The following MMD2 variants were observed in gnomAD, a reference collection of about 807,000 sequenced individuals.
The protein encoded by MMD2 is monocyte to macrophage differentiation factor 2.
In MMD2, 30 loss-of-function variants were observed where a neutral mutation model predicts 33.5. The observed-to-expected ratio is 0.90, with a 90% CI of 0.67 to 1.22. The LOEUF (loss-of-function observed/expected upper bound fraction) is 1.22, where lower values mean the gene tolerates loss of function less well. MMD2 is among the 50% of genes most tolerant of loss of function. The probability of loss-of-function intolerance (pLI) is 0.00; values close to 1 mark genes in which losing one functional copy is unlikely to be tolerated. For synonymous variants in MMD2, 129 were observed against 123.0 expected, an observed-to-expected ratio of 1.05 and a Z score of -0.32; for missense variants, 364 against 325.4, an observed-to-expected ratio of 1.12 and a Z score of -0.91.
chr7:4,907,665 C>T (rs1311670549), intron 6 of MMD2, 66 bp from the exon 7 acceptor site: 2 of 1,538,880 alleles, frequency 1.3e-6, no homozygotes, highest in African/African-American at 2.7e-5. Flanking sequence ...AAGCACCAGC[C>T]AGTCCCCACC....
intron 1 of MMD2, among the ~76,000 whole-genome samples, chr7:4,944,030 C>T (rs938420939): frequency 1.3e-5 from 2 of 151,854 alleles, no homozygotes; most frequent in African/African-American, 4.8e-5. Flanking sequence ...AACTCTTTAG[C>T]TCAAGCAATC....
downstream of MMD2, among the ~76,000 whole-genome samples, chr7:4,902,229 GGC>G (rs1784804485): frequency 6.6e-6 from 1 of 152,216 alleles, no homozygotes; most frequent in Non-Finnish European, 1.5e-5. Context: ...TGGGATTACA[GGC>G]GAGAGCCACC....
At position 4,940,675 on chromosome 7, in the gene MMD2, T is replaced by C. The variant is rs957973905; in HGVS notation, c.48-15143A>G. Among the ~76,000 whole-genome samples, 4 of 152,158 alleles carry C rather than the reference T, an allele frequency of 2.6e-5. No individual in the cohort carries two copies. The highest frequency in any genetic ancestry group is 9.7e-5 in the African/African-American group (4 of 41,438). On this transcript the variant is annotated intron_variant, in intron 1 of 6. Transcript: ENST00000401401. The surrounding 1 kb of genome is among the most constrained non-coding windows in gnomAD (Gnocchi z 5.0). ...CTTTGGGAAACAGTCCTTGGGCCGG[T>C]GCCACCTGGGAATGGTCATGAAATA... is the stretch of plus-strand genomic sequence containing the variant.
At position 4,916,011 on chromosome 7, in the gene MMD2, G is replaced by A. The variant is rs755282778; in HGVS notation, c.359C>T (p.Ala120Val). The A allele has an allele frequency of 6.2e-7, 1 of 1,613,860 alleles. No homozygotes were observed. The highest frequency in any genetic ancestry group is 8.5e-7 in the Non-Finnish European group (1 of 1,179,816). The stretch of plus-strand genomic sequence containing the variant: ...GCGGCGGGACGGTACTCACCAGGGT[G>A]CGTAGGAAGCCGCTATGAAGAAATA... Reference protein sequence around the residue: ...VIYFFIAASYAPWLNLRELGP... With the variant: ...VIYFFIAASYVPWLNLRELGP... Residue 120 changes from alanine to valine, a missense_variant, in exon 4 of 7, where the codon GCA becomes GTA. Coordinates refer to ENST00000401401, the MANE Select transcript of MMD2 (RefSeq NM_198403.4).
chr7:4,935,901 T>G (rs572377498), intron 1 of MMD2, among the ~76,000 whole-genome samples: 2 of 152,082 alleles, frequency 1.3e-5, no homozygotes, highest in African/African-American at 2.4e-5. Flanking sequence ...TAAAAAATTT[T>G]GGGCCGGGCG....
chr7:4,935,111 G>C (rs144971403), intron 1 of MMD2, among the ~76,000 whole-genome samples: 1 of 152,058 alleles, frequency 6.6e-6, no homozygotes, highest in African/African-American at 2.4e-5. Flanking sequence ...TCTTGAACCC[G>C]GGAGGCAGAG....
intron 1 of MMD2, among the ~76,000 whole-genome samples, chr7:4,931,684 C>T (rs1446395285): frequency 6.6e-6 from 1 of 152,156 alleles, no homozygotes; most frequent in Admixed American, 6.6e-5. Context: ...CCTGCCTCAG[C>T]CTCCTGAGTA....
chr7:4,909,216 C>T (rs1478247106), intron 6 of MMD2, among the ~76,000 whole-genome samples: 5 of 151,884 alleles, frequency 3.3e-5, no homozygotes, highest in African/African-American at 1.2e-4. Flanking sequence ...CCGCAGGGCA[C>T]GGTAGCTCAT....
rs185922711 is a variant in MMD2 at position 4,933,124 on chromosome 7, C to T, written c.48-7592G>A. On this transcript the variant is annotated intron_variant, in intron 1 of 6. Transcript: ENST00000401401. Reference sequence around the variant, plus strand: ...GGCACGGCAGCTCACGCCTGTAATCCCAGCGCTTTGGGAGGCCGAGGCGAG... The same window carrying T: ...GGCACGGCAGCTCACGCCTGTAATCTCAGCGCTTTGGGAGGCCGAGGCGAG... Among the ~76,000 whole-genome samples the T allele has an allele frequency of 5.1e-4, 78 of 152,154 alleles. 1 individual carries two copies. The East Asian group carries it at 0.015, about 28-fold the overall frequency.
chr7:4,913,755 T>G (rs1785072205), intron 4 of MMD2, among the ~76,000 whole-genome samples: 1 of 151,696 alleles, frequency 6.6e-6, no homozygotes, highest in Admixed American at 6.6e-5. Context: ...AGTGGATTTT[T>G]TTTTCAAGCC....
chr7:4,948,817 G>A (rs1786161317), intron 1 of MMD2, among the ~76,000 whole-genome samples: 1 of 152,070 alleles, frequency 6.6e-6, no homozygotes, highest in Non-Finnish European at 1.5e-5. Flanking sequence ...ATTCTTTTTA[G>A]GTTCTATAAA....
chr7:4,951,006 C>A (rs760171562), intron 1 of MMD2, among the ~76,000 whole-genome samples: 4 of 152,074 alleles, frequency 2.6e-5, no homozygotes, highest in Non-Finnish European at 5.9e-5. Flanking sequence ...AGCCACAGCG[C>A]CCGGCCTAAA....
chr7:4,949,961 T>C (rs1786194999), intron 1 of MMD2, among the ~76,000 whole-genome samples: 1 of 152,226 alleles, frequency 6.6e-6, no homozygotes, highest in Non-Finnish European at 1.5e-5. Flanking sequence ...CACGTTACCA[T>C]TTCCGGCTAG....
At chr7:4,897,213 G>A in the MMD2 span, among the ~76,000 whole-genome samples, 1 of 144,978 alleles carries the variant, frequency 6.9e-6, no homozygotes. Flanking sequence ...AAAAGAATTG[G>A]CAGGTGTTAT....
intron 1 of MMD2, among the ~76,000 whole-genome samples, chr7:4,930,687 GAAGA>G (rs1457613341): frequency 6.8e-6 from 1 of 148,140 alleles, no homozygotes; most frequent in Non-Finnish European, 1.5e-5. Context: ...AACATCAAAT[GAAGA>G]CAGAGACACA....
chr7:4,930,271 C>CAAAAA (rs770469673), intron 1 of MMD2, among the ~76,000 whole-genome samples: 2 of 47,170 alleles, frequency 4.2e-5, no homozygotes, highest in East Asian at 6.1e-4. Context: ...GACTCCATCT[C>CAAAAA]AAAAAAAAAA....
chr7:4,916,370 ACT>A lies in MMD2; in HGVS notation c.291-293_291-292del, dbSNP rs1491521893. On this transcript the variant is annotated intron_variant, in intron 3 of 6. Transcript: ENST00000401401. ...GTAAGGATTGAACATCCTCCGTCCC[ACT>A]TTTTTTTTTTTTTTTTTTTTTTTTT... 5.4e-5 allele frequency among the ~76,000 whole-genome samples: 3 copies of A among 55,854 alleles called. No homozygotes were observed. In the East Asian group the frequency reaches 1.7e-3, roughly 32 times the overall value. 36.6% of individuals were successfully genotyped at this position (55,854 alleles called of 152,430 possible). A position where few individuals can be genotyped will look rare whatever the true frequency, so the allele number is the denominator to read the frequency against.
chr7:4,917,833 A>G (rs1056721077), intron 3 of MMD2, among the ~76,000 whole-genome samples: 1 of 152,172 alleles, frequency 6.6e-6, no homozygotes, highest in Non-Finnish European at 1.5e-5. Context: ...AATGGTGCCA[A>G]TGAGTCAAGC....
intron 4 of MMD2, among the ~76,000 whole-genome samples, chr7:4,915,762 AC>A (rs991735744): frequency 7.2e-5 from 11 of 151,996 alleles, no homozygotes; most frequent in Non-Finnish European, 1.0e-4. Flanking sequence ...AAAAAAAAAA[AC>A]AATGTATATA....
Sources: gnomAD v4.1 joint callset for allele counts (sites outside exome capture counted in the v4.1 genomes callset) on GRCh38, gnomAD v4.1.1 for gene constraint, Gnocchi (gnomAD v3.1) non-coding constraint, MANE v1.5 for transcripts, NCBI Gene and HGNC (gene_info 2026-07-23, HGNC 2026-07-21) for gene names.